Variants in DNAJC6 observed in about 807,000 individuals in gnomAD.
The protein encoded by DNAJC6 is auxilin.
A neutral mutation model predicts 110.0 loss-of-function variants in DNAJC6; 34 were observed. The ratio of observed to expected loss-of-function variants is 0.31; its 90% CI spans 0.24 to 0.41. The LOEUF is 0.41. Ranked by LOEUF, DNAJC6 falls within the 10% of genes least tolerant of loss-of-function variation. The pLI is 1.00. For synonymous variants in DNAJC6, 406 were observed against 437.2 expected (o/e 0.93, Z 0.89); for missense variants, 1,031 against 1,207.8 (o/e 0.85, Z 2.17).
chr1:65,407,149 C>G (rs1247562118), intron 16 of DNAJC6, among the ~76,000 whole-genome samples: 3 of 152,184 alleles, frequency 2.0e-5, no homozygotes, highest in African/African-American at 4.8e-5. Flanking sequence ...CTCGCACTGT[C>G]TTACTCCATC....
intron 1 of DNAJC6, among the ~76,000 whole-genome samples, chr1:65,322,884 T>C (rs1172728656): frequency 6.6e-6 from 1 of 152,228 alleles, no homozygotes; most frequent in Non-Finnish European, 1.5e-5. Context: ...AGAAATTAAT[T>C]TGAATAGCTT....
intron 1 of DNAJC6, among the ~76,000 whole-genome samples, chr1:65,302,913 G>A (rs993406971): frequency 2.0e-5 from 3 of 152,152 alleles, no homozygotes; most frequent in African/African-American, 7.2e-5. Context: ...CTCACCAGAT[G>A]TAGGCTCCTT....
At chr1:65,340,007 A>G (rs1645374286) in intron 1 of DNAJC6, among the ~76,000 whole-genome samples, 1 of 152,224 alleles carries the variant, frequency 6.6e-6, no homozygotes, top group Non-Finnish European at 1.5e-5. Flanking sequence ...CACATTATAT[A>G]GACTCTATGA....
intron 1 of DNAJC6, among the ~76,000 whole-genome samples, chr1:65,278,440 T>G (rs1653743801): frequency 6.6e-6 from 1 of 152,234 alleles, no homozygotes; most frequent in Non-Finnish European, 1.5e-5. Flanking sequence ...AAACTGACAC[T>G]TACTTTTCAG....
chr1:65,322,087 G>A (rs1054397859), intron 1 of DNAJC6, among the ~76,000 whole-genome samples: 1 of 152,170 alleles, frequency 6.6e-6, no homozygotes, highest in Admixed American at 6.5e-5. Context: ...GGCACACAGA[G>A]GCTGGGAAAC....
chr1:65,306,114 G>A (rs764869560), upstream of DNAJC6, among the ~76,000 whole-genome samples: 3 of 130,480 alleles, frequency 2.3e-5, no homozygotes, highest in Non-Finnish European at 4.8e-5. Context: ...GTCTCGCTTT[G>A]TTGGCTCACT....
intron 1 of DNAJC6, among the ~76,000 whole-genome samples, chr1:65,273,368 G>A (rs369402102): frequency 6.6e-6 from 1 of 152,192 alleles, no homozygotes; most frequent in African/African-American, 2.4e-5. Context: ...GGAGGCCGAG[G>A]CAGGTGGATC....
rs189811009 is a variant in DNAJC6, at chr1:65,281,115, C to T, written c.-131+16183C>T. Among the ~76,000 whole-genome samples, 410 of 152,002 alleles carry T rather than the reference C, an allele frequency of 2.7e-3. 1 individual carries two copies. Among genetic ancestry groups the T allele is most frequent in the Non-Finnish European group, 4.4e-3 (301 of 67,958 alleles). On this transcript the variant is annotated intron_variant, in intron 1 of 19. Coordinates refer to the DNAJC6 transcript ENST00000263441. ...CTAATTTTTGTATTTTTAGTAGAGA[C>T]GGGCTTTCACCATGTTGGCCAGGCT...
At chr1:65,343,201 G>A (rs939404073) in intron 1 of DNAJC6, among the ~76,000 whole-genome samples, 1 of 152,120 alleles carries the variant, frequency 6.6e-6, no homozygotes, top group Non-Finnish European at 1.5e-5. Flanking sequence ...CCATTTCAGA[G>A]TCTTCCTCCT....
At chr1:65,326,159 A>C (rs1215525986) in intron 1 of DNAJC6, among the ~76,000 whole-genome samples, 1 of 152,142 alleles carries the variant, frequency 6.6e-6, no homozygotes, top group Non-Finnish European at 1.5e-5. Flanking sequence ...TCCCCACAAC[A>C]GTGTTGTCTG....
intron 1 of DNAJC6, among the ~76,000 whole-genome samples, chr1:65,321,283 C>G (rs1645194810): frequency 6.6e-6 from 1 of 152,146 alleles, no homozygotes; most frequent in Non-Finnish European, 1.5e-5. Flanking sequence ...TCACTGCTGC[C>G]TCGAATTCCT....
rs768948356 is a variant in DNAJC6, at chr1:65,379,499, A to C, written c.641A>C (p.Lys214Thr). The C allele has an allele frequency of 6.2e-7, 1 of 1,614,060 alleles. No individual in the cohort carries two copies. The highest frequency in any genetic ancestry group is 8.5e-7 in the Non-Finnish European group (1 of 1,179,962). ...NMYNWLLQNP[K>T]NVCVVHCLDG... Reference sequence around the variant, plus strand: ...TATAACTGGCTACTGCAGAATCCCAAAAATGTCTGTGTTGTCCACTGCTTG... The same window carrying C: ...TATAACTGGCTACTGCAGAATCCCACAAATGTCTGTGTTGTCCACTGCTTG... Residue 214 changes from lysine to threonine, a missense_variant, in exon 5 of 19, where the codon AAA becomes ACA. Lys to Thr is a moderately conservative substitution (Grantham distance 78). Transcript: ENST00000371069.
chr1:65,383,171 C>G (rs1403071861), intron 5 of DNAJC6, among the ~76,000 whole-genome samples: 1 of 152,180 alleles, frequency 6.6e-6, no homozygotes, highest in African/African-American at 2.4e-5. Context: ...CTAGAAGAAG[C>G]TAGGTCACAT....
intron 1 of DNAJC6, among the ~76,000 whole-genome samples, chr1:65,326,713 C>A (rs1030614579): frequency 6.6e-6 from 1 of 152,184 alleles, no homozygotes; most frequent in African/African-American, 2.4e-5. Context: ...CTGCCCTTCA[C>A]TCTCTCTGAA....
intron 6 of DNAJC6, 48 bp downstream of exon 6, chr1:65,384,374 A>G (rs968882070): frequency 1.1e-5 from 15 of 1,414,950 alleles, no homozygotes; most frequent in Non-Finnish European, 1.4e-5. Context: ...TCTAATTGGT[A>G]TCATGTACTG....
intron 5 of DNAJC6, among the ~76,000 whole-genome samples, chr1:65,381,120 T>C (rs912046920): frequency 2.0e-5 from 3 of 151,626 alleles, no homozygotes; most frequent in Admixed American, 2.0e-4. Context: ...GTTTTCACCA[T>C]GTTGGCCAGG....
upstream of DNAJC6, chr1:65,306,526 T>TA (rs1186481079): frequency 3.3e-5 from 5 of 152,232 alleles, no homozygotes; most frequent in African/African-American, 1.2e-4. Context: ...TGGGGTGGAA[T>TA]AGAGCCTGGT....
At chr1:65,281,683 A>G (rs1289545963) in intron 1 of DNAJC6, among the ~76,000 whole-genome samples, 2 of 151,816 alleles carry the variant, frequency 1.3e-5, no homozygotes, top group Non-Finnish European at 2.9e-5. Flanking sequence ...ATCTTGGCTC[A>G]CTGCAAGCTC....
intron 12 of DNAJC6, 71 bp downstream of exon 12, chr1:65,392,936 G>T: frequency 7.3e-7 from 1 of 1,366,870 alleles, no homozygotes; most frequent in South Asian, 1.9e-5. Flanking sequence ...AGGTGGAATT[G>T]AACTTTCCTA....
Sources: allele counts gnomAD v4.1 joint callset (sites outside exome capture counted in the v4.1 genomes callset), GRCh38; gene constraint gnomAD v4.1.1; transcripts MANE v1.5; gene names NCBI Gene and HGNC (gene_info 2026-07-23, HGNC 2026-07-21).